The following LRRTM4 variants were observed in gnomAD, a reference collection of about 807,000 sequenced individuals.
The protein encoded by LRRTM4 is leucine-rich repeat transmembrane neuronal protein 4.
LRRTM4 carries 25 observed loss-of-function variants against 47.6 expected under a neutral mutation model. The ratio of observed to expected loss-of-function variants is 0.53; its 90% confidence interval spans 0.38 to 0.73. LRRTM4 has a LOEUF of 0.73. LRRTM4 is among the 30% of genes least tolerant of loss of function. The probability of loss-of-function intolerance (pLI) is 0.00; values close to 1 mark genes in which losing one functional copy is unlikely to be tolerated. For synonymous variants in LRRTM4, 311 were observed against 269.5 expected (o/e 1.15, Z -1.51); for missense variants, 638 against 713.4 (o/e 0.89, Z 1.20).
chr2:77,417,436 T>C (rs1223054844), intron 3 of LRRTM4, among the ~76,000 whole-genome samples: 1 of 152,126 alleles, frequency 6.6e-6, no homozygotes, highest in Admixed American at 6.5e-5. Context: ...TAAAGACACA[T>C]GCACACGTAT....
At chr2:76,910,280 G>A (rs1315165600) in intron 3 of LRRTM4, among the ~76,000 whole-genome samples, 1 of 149,544 alleles carries the variant, frequency 6.7e-6, no homozygotes, top group Non-Finnish European at 1.5e-5. Flanking sequence ...CTCACTCATA[G>A]GTGGGAATTG....
Position 77,158,100 on chromosome 2 carries a change from A to G in LRRTM4, c.1551+360218T>C, listed in dbSNP as rs142119123. On this transcript the variant is annotated intron_variant, in intron 3 of 3. Coordinates refer to ENST00000409884, the MANE Select transcript of LRRTM4 (RefSeq NM_001134745.3). ...GAAATATTATTGTAAATGTCAGAATAGTGATTACTTATGGAGAGGGAGGGA... is the reference window on the plus strand; with the variant it reads ...GAAATATTATTGTAAATGTCAGAATGGTGATTACTTATGGAGAGGGAGGGA... Among the ~76,000 whole-genome samples, 467 of 152,312 alleles carry G rather than the reference A, an allele frequency of 3.1e-3. 1 individual carries two copies. Among genetic ancestry groups the G allele is most frequent in the South Asian group, 0.01 (49 of 4,824 alleles).
rs139110441 is a variant in LRRTM4 at position 77,192,407 on chromosome 2, T to C, written c.1551+325911A>G. The stretch of plus-strand genomic sequence containing the variant: ...ATTTTTACTTTCTCATGAAACAACA[T>C]CGGGTACTTCCTAATTTAAAAAAAA... On this transcript the variant is annotated intron_variant, in intron 3 of 3. Transcript: ENST00000409884. Among the ~76,000 whole-genome samples the C allele has an allele frequency of 9.0e-3, 1,367 of 152,040 alleles. 5 individuals are homozygous for C. Among genetic ancestry groups the C allele is most frequent in the Non-Finnish European group, 0.014 (960 of 67,942 alleles).
intron 3 of LRRTM4, among the ~76,000 whole-genome samples, chr2:77,147,680 T>C (rs927705864): frequency 2.0e-5 from 3 of 152,194 alleles, no homozygotes; most frequent in Non-Finnish European, 4.4e-5. Flanking sequence ...CAAGCAAGCA[T>C]TGATGGCTTC....
intron 3 of LRRTM4, among the ~76,000 whole-genome samples, chr2:77,427,426 C>A (rs1675166784): frequency 6.6e-6 from 1 of 152,140 alleles, no homozygotes; most frequent in Non-Finnish European, 1.5e-5. Context: ...TAAATATTTA[C>A]CCTTTACCAA....
intron 3 of LRRTM4, among the ~76,000 whole-genome samples, chr2:77,154,095 C>A (rs1672496783): frequency 6.6e-6 from 1 of 152,148 alleles, no homozygotes; most frequent in Admixed American, 6.5e-5. Context: ...ATTTGTGGGA[C>A]AGTGCAAAGT....
At chr2:76,778,649 C>T (rs1482721233) in intron 3 of LRRTM4, among the ~76,000 whole-genome samples, 3 of 152,040 alleles carry the variant, frequency 2.0e-5, no homozygotes, top group Admixed American at 6.6e-5. Flanking sequence ...ATTCTTCTCT[C>T]TTTTTTTCTT....
At position 77,131,295 on chromosome 2, in the gene LRRTM4, C is replaced by G. The variant is rs1422699056; in HGVS notation, c.1552-382379G>C. 5.9e-5 allele frequency among the ~76,000 whole-genome samples: 9 copies of G among 152,168 alleles called. No homozygotes were observed. The South Asian group carries it at 1.7e-3, about 28-fold the overall frequency. ...GTATTAGTGTTATTCCCATTTGAGA[C>G]GAGAGACTAAACAAAGGCCCTTCCC... On this transcript the variant is annotated intron_variant, in intron 3 of 3. Transcript: ENST00000409884.
chr2:77,068,903 C>A (rs75460076), intron 3 of LRRTM4, among the ~76,000 whole-genome samples: 1 of 152,202 alleles, frequency 6.6e-6, no homozygotes, highest in African/African-American at 2.4e-5. Context: ...GGGTGAAAAC[C>A]GCTTAAAGGC....
chr2:76,931,847 T>C (rs1265478628), intron 3 of LRRTM4, among the ~76,000 whole-genome samples: 1 of 152,118 alleles, frequency 6.6e-6, no homozygotes, highest in Non-Finnish European at 1.5e-5. Flanking sequence ...AAGGGAGTCG[T>C]GATTAATTAG....
chr2:77,316,443 C>A (rs529338665), intron 3 of LRRTM4, among the ~76,000 whole-genome samples: 83 of 152,120 alleles, frequency 5.5e-4, no homozygotes, highest in African/African-American at 1.9e-3. Context: ...TTAAACAATC[C>A]ATGTGACATA....
intron 3 of LRRTM4, among the ~76,000 whole-genome samples, chr2:77,137,012 A>C (rs1476803072): frequency 2.6e-5 from 4 of 151,938 alleles, no homozygotes; most frequent in Non-Finnish European, 5.9e-5. Flanking sequence ...GGTGTACCTG[A>C]AAGTGACAGG....
At chr2:77,153,577 T>C (rs891980204) in intron 3 of LRRTM4, among the ~76,000 whole-genome samples, 2 of 152,210 alleles carry the variant, frequency 1.3e-5, no homozygotes, top group Non-Finnish European at 2.9e-5. Context: ...ACATGCCTTA[T>C]TTGAAAAGCT....
At chr2:77,359,229 T>C (rs868324420) in intron 3 of LRRTM4, among the ~76,000 whole-genome samples, 4 of 152,164 alleles carry the variant, frequency 2.6e-5, no homozygotes, top group Non-Finnish European at 4.4e-5. Context: ...TATAACCTTT[T>C]AGTCTAAGTA....
At chr2:77,425,678 C>T (rs1675076180) in intron 3 of LRRTM4, among the ~76,000 whole-genome samples, 1 of 152,234 alleles carries the variant, frequency 6.6e-6, no homozygotes, top group Non-Finnish European at 1.5e-5. Context: ...TACTTTTAGC[C>T]CAAGATATGT....
intron 3 of LRRTM4, among the ~76,000 whole-genome samples, chr2:76,867,848 T>C (rs1358494584): frequency 6.6e-6 from 1 of 152,184 alleles, no homozygotes; most frequent in Non-Finnish European, 1.5e-5. Context: ...CATACACATG[T>C]ATTTATATTT....
intron 3 of LRRTM4, among the ~76,000 whole-genome samples, chr2:77,158,127 G>C (rs1416677358): frequency 2.0e-5 from 3 of 152,082 alleles, no homozygotes; most frequent in Non-Finnish European, 4.4e-5. Context: ...AGGGAGGGAG[G>C]AGGTATGGAG....
rs147409327 is a variant in LRRTM4 at position 76,997,771 on chromosome 2, G to A, written c.1552-248855C>T. On this transcript the variant is annotated intron_variant, in intron 3 of 3. Transcript: ENST00000409884. The stretch of plus-strand genomic sequence containing the variant: ...GGCTGCACAGCAGGAGGTGAGCACC[G>A]GCCAGCAAGTGAAGCTTCATCTGTA... 2.2e-3 allele frequency among the ~76,000 whole-genome samples: 331 copies of A among 152,164 alleles called. 7 individuals are homozygous for A. The highest frequency in any genetic ancestry group is 7.7e-3 in the African/African-American group (320 of 41,546).
At chr2:77,363,349 C>A (rs1001943280) in intron 3 of LRRTM4, among the ~76,000 whole-genome samples, 1 of 152,034 alleles carries the variant, frequency 6.6e-6, no homozygotes, top group Non-Finnish European at 1.5e-5. Context: ...AATAATAAAA[C>A]TGTAGTCAAG....
Sources: allele counts gnomAD v4.1 joint callset (sites outside exome capture counted in the v4.1 genomes callset), GRCh38; gene constraint gnomAD v4.1.1; transcripts MANE v1.5; gene names NCBI Gene and HGNC (gene_info 2026-07-23, HGNC 2026-07-21).